The following PHF14 variants were observed in gnomAD, a reference collection of about 807,000 sequenced individuals.
PHF14 encodes PHD finger protein 14.
PHF14 carries 55 observed loss-of-function variants against 117.9 expected under a neutral mutation model. The observed-to-expected ratio is 0.47, with a 90% CI of 0.38 to 0.58. The LOEUF (loss-of-function observed/expected upper bound fraction) is 0.58, where lower values mean the gene tolerates loss of function less well. Ranked by LOEUF, PHF14 falls within the 20% of genes least tolerant of loss-of-function variation. The probability of loss-of-function intolerance (pLI) is 0.00; values close to 1 mark genes in which losing one functional copy is unlikely to be tolerated. For synonymous variants in PHF14, 409 were observed against 368.6 expected (o/e 1.11, Z -1.26); for missense variants, 978 against 1,122.2 (o/e 0.87, Z 1.84).
chr7:11,137,775 G>A (rs1435484217), intron 17 of PHF14, among the ~76,000 whole-genome samples: 2 of 151,386 alleles, frequency 1.3e-5, no homozygotes, highest in Non-Finnish European at 2.9e-5. Context: ...CAGTAGAGAC[G>A]GGGTTTTGCC....
chr7:11,078,969 A>G (rs1011387045), intron 16 of PHF14, among the ~76,000 whole-genome samples: 2 of 152,082 alleles, frequency 1.3e-5, no homozygotes, highest in African/African-American at 4.8e-5. Context: ...TTTATTATCT[A>G]TGTAGCTACT....
chr7:10,993,406 GC>G (rs1782529055), intron 4 of PHF14, among the ~76,000 whole-genome samples: 2 of 152,182 alleles, frequency 1.3e-5, no homozygotes, highest in East Asian at 3.9e-4. Flanking sequence ...ATGTGGAGCT[GC>G]CCTTTTTTTG....
At chr7:11,149,719 A>G (rs1788652131) in intron 17 of PHF14, among the ~76,000 whole-genome samples, 1 of 152,148 alleles carries the variant, frequency 6.6e-6, no homozygotes, top group East Asian at 1.9e-4. Context: ...AATAATCTGT[A>G]GTTTTATTTT....
intron 16 of PHF14, among the ~76,000 whole-genome samples, chr7:11,092,178 C>A (rs1786663808): frequency 6.6e-6 from 1 of 151,996 alleles, no homozygotes; most frequent in Non-Finnish European, 1.5e-5. Context: ...TGTCTTTTAC[C>A]CCCTTTATCT....
At chr7:11,156,568 C>T (rs939894543) in intron 17 of PHF14, among the ~76,000 whole-genome samples, 2 of 152,042 alleles carry the variant, frequency 1.3e-5, no homozygotes, top group African/African-American at 2.4e-5. Flanking sequence ...GCCGAGGCGG[C>T]GGATCACCTA....
chr7:10,998,410 C>G (rs1782739961), intron 4 of PHF14, among the ~76,000 whole-genome samples: 1 of 151,752 alleles, frequency 6.6e-6, no homozygotes, highest in African/African-American at 2.4e-5. Flanking sequence ...GAAACATATA[C>G]CTAAAATATA....
intron 2 of PHF14, among the ~76,000 whole-genome samples, chr7:10,978,614 C>T (rs1039464872): frequency 2.0e-5 from 3 of 152,114 alleles, no homozygotes; most frequent in East Asian, 1.9e-4. Flanking sequence ...TCAACCTTGG[C>T]GCTATTGGCA....
chr7:11,037,519 A>G (rs559079412), intron 10 of PHF14, among the ~76,000 whole-genome samples: 3 of 152,146 alleles, frequency 2.0e-5, no homozygotes, highest in Non-Finnish European at 4.4e-5. Flanking sequence ...ATAGAGCTTC[A>G]CTTTCTAAGT....
At chr7:11,103,945 GT>G in intron 16 of PHF14, 3 of 983,232 alleles carry the variant, frequency 3.1e-6, no homozygotes, top group Non-Finnish European at 2.4e-6. Context: ...GATAGGACTA[GT>G]TGTCACTATA....
chr7:11,007,391 C>T (rs894850620), intron 4 of PHF14, among the ~76,000 whole-genome samples: 5 of 151,882 alleles, frequency 3.3e-5, no homozygotes, highest in Non-Finnish European at 7.4e-5. Flanking sequence ...TTACAATTTT[C>T]TGTACAGTTA....
intron 16 of PHF14, among the ~76,000 whole-genome samples, chr7:11,098,756 A>G (rs2128340661): frequency 6.6e-6 from 1 of 152,308 alleles, no homozygotes; most frequent in Non-Finnish European, 1.5e-5. Context: ...GGCCTTACAC[A>G]CAGAACAGTG....
intron 17 of PHF14, among the ~76,000 whole-genome samples, chr7:11,112,687 C>G (rs1691985980): frequency 6.6e-6 from 1 of 152,004 alleles, no homozygotes; most frequent in East Asian, 1.9e-4. Flanking sequence ...AGGAGAATCA[C>G]TTGAACCCGG....
chr7:11,125,421 G>A (rs897672257), intron 17 of PHF14, among the ~76,000 whole-genome samples: 1 of 152,046 alleles, frequency 6.6e-6, no homozygotes, highest in South Asian at 2.1e-4. Context: ...TGCAGTACAA[G>A]TTTCTCTTCT....
At chr7:11,083,592 C>T (rs1343159958) in intron 16 of PHF14, among the ~76,000 whole-genome samples, 1 of 150,702 alleles carries the variant, frequency 6.6e-6, no homozygotes, top group Admixed American at 6.6e-5. Flanking sequence ...TCCCGAGTAG[C>T]TGGGATTACA....
At chr7:11,001,309 G>A (rs1680478716) in intron 4 of PHF14, among the ~76,000 whole-genome samples, 1 of 152,116 alleles carries the variant, frequency 6.6e-6, no homozygotes, top group South Asian at 2.1e-4. Flanking sequence ...TTCATAGTAA[G>A]TCTTGAAGTT....
At chr7:11,058,762 G>A (rs924894646) in intron 14 of PHF14, among the ~76,000 whole-genome samples, 1 of 152,124 alleles carries the variant, frequency 6.6e-6, no homozygotes, top group Non-Finnish European at 1.5e-5. Context: ...TTCTATTTGG[G>A]ATTAAAGTAT....
chr7:11,105,262 A>C (rs1366509802), intron 16 of PHF14: 15 of 956,530 alleles, frequency 1.6e-5, no homozygotes, highest in Non-Finnish European at 1.7e-5. Flanking sequence ...GTTGTTGCTT[A>C]AGTGTTCATC....
At chr7:11,136,857 G>T (rs1459000068) in intron 17 of PHF14, among the ~76,000 whole-genome samples, 9 of 152,124 alleles carry the variant, frequency 5.9e-5, no homozygotes, top group African/African-American at 1.2e-4. Context: ...GGTCAACATG[G>T]TCATAATTAT....
intron 17 of PHF14, among the ~76,000 whole-genome samples, chr7:11,157,401 AT>A (rs1273306486): frequency 6.6e-6 from 1 of 151,744 alleles, no homozygotes; most frequent in Non-Finnish European, 1.5e-5. Context: ...AAAAAAAAAA[AT>A]AGGTGTTGAT....
Sources: allele counts gnomAD v4.1 joint callset (sites outside exome capture counted in the v4.1 genomes callset), GRCh38; gene constraint gnomAD v4.1.1; transcripts MANE v1.5; gene names NCBI Gene and HGNC (gene_info 2026-07-23, HGNC 2026-07-21).